The following ROBO1 variants were observed in gnomAD, a reference collection of about 807,000 sequenced individuals.
ROBO1 encodes the protein roundabout guidance receptor 1.
A neutral mutation model predicts 195.9 loss-of-function variants in ROBO1; 149 were observed. The observed-to-expected ratio is 0.76, with a 90% CI of 0.67 to 0.87. The LOEUF is 0.87. ROBO1 is among the 40% of genes least tolerant of loss of function. The pLI is 0.00. For missense variants in ROBO1, 1,933 were observed against 2,068.3 expected (o/e 0.93, Z 1.27); for synonymous variants, 816 against 733.2 (o/e 1.11, Z -1.82).
At chr3:79,685,254 A>G (rs979803559) in intron 1 of ROBO1, among the ~76,000 whole-genome samples, 6 of 152,260 alleles carry the variant, frequency 3.9e-5, no homozygotes, top group African/African-American at 1.4e-4. Flanking sequence ...GCATGTTGGG[A>G]AACACTTCCT....
At chr3:79,693,785 T>C (rs929088189) in intron 1 of ROBO1, among the ~76,000 whole-genome samples, 7 of 151,706 alleles carry the variant, frequency 4.6e-5, no homozygotes, top group African/African-American at 1.7e-4. Flanking sequence ...AATAACTTAA[T>C]TTACACATTC....
At chr3:79,146,889 A>C (rs867115467) in intron 2 of ROBO1, among the ~76,000 whole-genome samples, 3 of 151,742 alleles carry the variant, frequency 2.0e-5, no homozygotes, top group South Asian at 4.2e-4. Flanking sequence ...TTTTCTAAGC[A>C]GAAGGAAATG....
chr3:79,475,108 C>T (rs1238195440), intron 2 of ROBO1, among the ~76,000 whole-genome samples: 1 of 151,148 alleles, frequency 6.6e-6, no homozygotes, highest in Non-Finnish European at 1.5e-5. Context: ...ATAGATACTC[C>T]AAAGGAATGA....
At chr3:79,318,349 C>G (rs1285960086) in intron 2 of ROBO1, among the ~76,000 whole-genome samples, 1 of 152,194 alleles carries the variant, frequency 6.6e-6, no homozygotes, top group East Asian at 1.9e-4. Context: ...CAGTTCACCA[C>G]AGTAGAATAA....
intron 2 of ROBO1, among the ~76,000 whole-genome samples, chr3:79,490,121 T>C (rs7616065): frequency 0.37 from 56,377 of 152,052 alleles, 10,854 homozygotes; most frequent in African/African-American, 0.46. Context: ...AGCCTTGGAG[T>C]GGATGCTTTC....
chr3:79,685,725 G>A lies in ROBO1; in HGVS notation c.-51+82027C>T, dbSNP rs561915334. Among the ~76,000 whole-genome samples, 5 of 152,206 alleles carry A rather than the reference G, an allele frequency of 3.3e-5. No homozygotes were observed. The South Asian group carries it at 1.0e-3, about 32-fold the overall frequency. On this transcript the variant is annotated intron_variant, in intron 1 of 30. Transcript: ENST00000464233. The stretch of plus-strand genomic sequence containing the variant: ...CAAGGTTACACTCAAGCTTGGTAAA[G>A]AGGGATGGAAATAAGGCTACAAAAG...
rs550360192 is a variant in ROBO1 at position 79,714,061 on chromosome 3, G to A, written c.-51+53691C>T. ...CAGTTTGTTCTTTTGGCTTAGGATT[G>A]ACTTGGCAATGCAGGCTCTTTTTTG... On this transcript the variant is annotated intron_variant, in intron 1 of 30. Transcript: ENST00000464233. Among the ~76,000 whole-genome samples, 3 of 152,006 alleles carry A rather than the reference G, an allele frequency of 2.0e-5. No individual in the cohort carries two copies. The South Asian group carries it at 6.2e-4, about 32-fold the overall frequency.
At chr3:79,041,302 T>A (rs1418813657) in intron 3 of ROBO1, among the ~76,000 whole-genome samples, 1 of 152,180 alleles carries the variant, frequency 6.6e-6, no homozygotes, top group East Asian at 1.9e-4. Flanking sequence ...TAAAGTGAAA[T>A]CTTGAATGAC....
At chr3:79,690,251 T>C (rs1160823677) in intron 1 of ROBO1, among the ~76,000 whole-genome samples, 1 of 151,932 alleles carries the variant, frequency 6.6e-6, no homozygotes, top group Non-Finnish European at 1.5e-5. Context: ...CTGAGATGTG[T>C]GGTTTTCCTG....
chr3:79,711,203 T>C (rs1215205548), intron 1 of ROBO1, among the ~76,000 whole-genome samples: 1 of 152,170 alleles, frequency 6.6e-6, no homozygotes, highest in Non-Finnish European at 1.5e-5. Flanking sequence ...CCTGGATTCA[T>C]TTACAGTTCT....
chr3:79,676,542 C>T (rs751306617), intron 1 of ROBO1, among the ~76,000 whole-genome samples: 5 of 152,018 alleles, frequency 3.3e-5, no homozygotes, highest in Non-Finnish European at 5.9e-5. Context: ...TGACTGAGAA[C>T]TCTGGTTTCT....
At chr3:79,116,315 CTT>C (rs901567868) in intron 3 of ROBO1, among the ~76,000 whole-genome samples, 3 of 148,006 alleles carry the variant, frequency 2.0e-5, no homozygotes, top group African/African-American at 7.5e-5. Flanking sequence ...TCCTTCCTTC[CTT>C]TTCTTTTTCT....
intron 2 of ROBO1, among the ~76,000 whole-genome samples, chr3:79,418,056 T>C (rs1319470788): frequency 6.6e-6 from 1 of 152,140 alleles, no homozygotes; most frequent in Non-Finnish European, 1.5e-5. Context: ...CCTCAAGCAA[T>C]ATACAAGTGA....
chr3:78,793,656 G>A (rs1337581044), intron 4 of ROBO1, among the ~76,000 whole-genome samples: 2 of 151,986 alleles, frequency 1.3e-5, no homozygotes, highest in Admixed American at 6.6e-5. Context: ...CCTAGGGTAC[G>A]GACATCAAAT....
At chr3:79,331,093 A>C (rs2034421535) in intron 2 of ROBO1, among the ~76,000 whole-genome samples, 1 of 152,238 alleles carries the variant, frequency 6.6e-6, no homozygotes, top group African/African-American at 2.4e-5. Flanking sequence ...TTGATAATAC[A>C]GTTGGCATCA....
chr3:79,766,064 G>A (rs1451846071), intron 1 of ROBO1, among the ~76,000 whole-genome samples: 3 of 151,274 alleles, frequency 2.0e-5, no homozygotes, highest in African/African-American at 7.3e-5. Flanking sequence ...ACTACCCTGT[G>A]AAATGAGCCT....
chr3:78,916,235 G>GCAAGTATCTGTCTC (rs2038569643), intron 4 of ROBO1, among the ~76,000 whole-genome samples: 1 of 123,832 alleles, frequency 8.1e-6, no homozygotes. Context: ...GGGCGACAGC[G>GCAAGTATCTGTCTC]AGACTCCGTC....
intron 4 of ROBO1, among the ~76,000 whole-genome samples, chr3:78,768,224 G>T (rs1304406899): frequency 6.6e-6 from 1 of 151,700 alleles, no homozygotes; most frequent in Non-Finnish European, 1.5e-5. Context: ...CCATGCATTT[G>T]CCTGGTTGTG....
intron 3 of ROBO1, among the ~76,000 whole-genome samples, chr3:78,949,433 G>A (rs1222764832): frequency 6.7e-6 from 1 of 150,240 alleles, no homozygotes; most frequent in African/African-American, 2.5e-5. Context: ...TTTAATAAAT[G>A]GTGCTGGGAA....
Sources: allele counts gnomAD v4.1 joint callset (sites outside exome capture counted in the v4.1 genomes callset), GRCh38; gene constraint gnomAD v4.1.1; transcripts MANE v1.5; gene names NCBI Gene and HGNC (gene_info 2026-07-23, HGNC 2026-07-21).